The following CLDN16 variants were observed in gnomAD, a reference collection of about 807,000 sequenced individuals.
CLDN16 encodes the protein claudin 16.
Under a neutral mutation model 24.6 loss-of-function variants are expected in CLDN16, and 13 were observed. The observed-to-expected ratio is 0.53, with a 90% CI of 0.34 to 0.84. The LOEUF (loss-of-function observed/expected upper bound fraction) is 0.84, where lower values mean the gene tolerates loss of function less well. Among genes scored for constraint, CLDN16 ranks in the 40% least tolerant of loss-of-function variants. The probability of loss-of-function intolerance (pLI) is 0.01; values close to 1 mark genes in which losing one functional copy is unlikely to be tolerated. For missense variants in CLDN16, 298 were observed against 292.7 expected (o/e 1.02, Z -0.13); for synonymous variants, 116 against 106.7 (o/e 1.09, Z -0.54).
At chr3:190,348,162 G>A (rs920232666) in intron 1 of CLDN16, among the ~76,000 whole-genome samples, 3 of 148,876 alleles carry the variant, frequency 2.0e-5, no homozygotes, top group South Asian at 4.3e-4. Flanking sequence ...GGCTGAGGCA[G>A]GAGAATTGCT....
In CLDN16 at chr3:190,390,346, C is replaced by T. The variant is rs527908169; in HGVS notation, c.114+1903C>T. Among the ~76,000 whole-genome samples, 31 of 152,136 alleles carry T rather than the reference C, an allele frequency of 2.0e-4. No individual in the cohort carries two copies. The South Asian group carries it at 6.4e-3, about 32-fold the overall frequency. ...GTCAAGAGATTGAGACCATCCTGGC[C>T]GACATAGTGAAACCCCATCTCTAAC... On this transcript the variant is annotated intron_variant, in intron 1 of 4. Coordinates refer to ENST00000264734, the MANE Select transcript of CLDN16 (RefSeq NM_006580.4).
At chr3:190,297,871 A>T in the CLDN16 span, among the ~76,000 whole-genome samples, 6 of 151,358 alleles carry the variant, frequency 4.0e-5, no homozygotes, top group African/African-American at 1.5e-4. Context: ...TCTGTGAGTT[A>T]AGTTGGACAC....
At chr3:190,359,032 A>G (rs77804979) in intron 1 of CLDN16, among the ~76,000 whole-genome samples, 4,301 of 152,016 alleles carry the variant, frequency 0.028, 94 homozygotes, top group East Asian at 0.056. Flanking sequence ...CTGATATTCT[A>G]TTGTTTTGAT....
intron 1 of CLDN16, among the ~76,000 whole-genome samples, chr3:190,390,237 T>C (rs1169412772): frequency 6.6e-6 from 1 of 152,206 alleles, no homozygotes; most frequent in African/African-American, 2.4e-5. Context: ...CCAAGAAGCC[T>C]TCACATTTAA....
the CLDN16 span, among the ~76,000 whole-genome samples, chr3:190,292,808 T>C: frequency 0.014 from 2,087 of 152,256 alleles, 131 homozygotes; most frequent in East Asian, 0.2. Flanking sequence ...CTCATCTCCA[T>C]CTGAGACCAC....
chr3:190,410,107 T>A lies in CLDN16; in HGVS notation c.*71T>A. Reference sequence around the variant, plus strand: ...ATGGTTACATTGATAAAATAGTAAGTCAATCCAGGAACAGTTATTTAGAAT... The same window carrying A: ...ATGGTTACATTGATAAAATAGTAAGACAATCCAGGAACAGTTATTTAGAAT... On this transcript the variant is annotated 3_prime_UTR_variant, in exon 5 of 5. Coordinates refer to ENST00000264734, the MANE Select transcript of CLDN16 (RefSeq NM_006580.4). 2 of 1,509,058 alleles carry A rather than the reference T, an allele frequency of 1.3e-6. No individual in the cohort carries two copies. The highest frequency in any genetic ancestry group is 1.1e-5 in the South Asian group (1 of 88,772). 93.5% of individuals were successfully genotyped at this position (1,509,058 alleles called of 1,614,324 possible). A position where few individuals can be genotyped will look rare whatever the true frequency, so the allele number is the denominator to read the frequency against.
intron 2 of CLDN16, among the ~76,000 whole-genome samples, chr3:190,403,365 A>G (rs1328169567): frequency 6.6e-6 from 1 of 152,210 alleles, no homozygotes; most frequent in African/African-American, 2.4e-5. Context: ...AATTATAGTT[A>G]CATGTCAGCA....
chr3:190,355,726 T>A (rs940744902), intron 1 of CLDN16, among the ~76,000 whole-genome samples: 2 of 151,862 alleles, frequency 1.3e-5, no homozygotes, highest in East Asian at 3.9e-4. Context: ...AATATTCACA[T>A]GCATTGAGAT....
At chr3:190,402,316 G>A (rs765249393) in intron 1 of CLDN16, 21 bp from the exon 2 acceptor site, 20 of 1,572,818 alleles carry the variant, frequency 1.3e-5, no homozygotes, top group Middle Eastern at 1.7e-4. Flanking sequence ...TGTTTCACAC[G>A]GTGTCTTCTC....
At chr3:190,332,261 A>G (rs971014710) in intron 1 of CLDN16, among the ~76,000 whole-genome samples, 7 of 152,220 alleles carry the variant, frequency 4.6e-5, no homozygotes, top group African/African-American at 1.7e-4. Flanking sequence ...CTATGTAAAT[A>G]TATTGCAGAT....
intron 1 of CLDN16, among the ~76,000 whole-genome samples, chr3:190,393,945 G>A (rs1293731664): frequency 6.6e-6 from 1 of 151,754 alleles, no homozygotes; most frequent in Non-Finnish European, 1.5e-5. Context: ...TAGAGACGGG[G>A]TTTCACCATA....
chr3:190,320,613 G>A (rs554180263), upstream of CLDN16, among the ~76,000 whole-genome samples: 1 of 152,126 alleles, frequency 6.6e-6, no homozygotes, highest in East Asian at 1.9e-4. Context: ...GGTATTCAAG[G>A]TGTTCAAACA....
At chr3:190,356,122 C>T (rs1280977525) in intron 1 of CLDN16, among the ~76,000 whole-genome samples, 1 of 151,560 alleles carries the variant, frequency 6.6e-6, no homozygotes, top group Admixed American at 6.6e-5. Context: ...GAATAAAAGT[C>T]ATCATTTTGG....
At chr3:190,376,097 A>G (rs1718243387) in intron 3 of CLDN16, among the ~76,000 whole-genome samples, 1 of 152,010 alleles carries the variant, frequency 6.6e-6, no homozygotes, top group African/African-American at 2.4e-5. Flanking sequence ...TGGATGTTTG[A>G]GGCACAATTC....
upstream of CLDN16, among the ~76,000 whole-genome samples, chr3:190,387,409 G>A (rs1301660099): frequency 6.6e-6 from 1 of 151,980 alleles, no homozygotes; most frequent in Non-Finnish European, 1.5e-5. Context: ...GTCCATGAGG[G>A]AAAAGTAATA....
chr3:190,405,047 T>A, intron 3 of CLDN16, 121 bp downstream of exon 3: 1 of 993,842 alleles, frequency 1.0e-6, no homozygotes, highest in Non-Finnish European at 1.6e-6. Flanking sequence ...CTTTCTAGAT[T>A]GAAAAACTAA....
upstream of CLDN16, among the ~76,000 whole-genome samples, chr3:190,319,557 C>T (rs897287623): frequency 1.3e-5 from 2 of 152,162 alleles, no homozygotes; most frequent in Non-Finnish European, 2.9e-5. Flanking sequence ...ACCTACCCTA[C>T]ATAAAGCAGG....
rs532771751 is a variant in CLDN16, at chr3:190,333,445, T to G, written n.121+10784T>G. ...AGTGTATGCACTATTACTCAAAAAC[T>G]ATGGATAAAATTTTATATAATACCA... On this transcript the variant is annotated intron_variant and non_coding_transcript_variant, in intron 1 of 4. Coordinates refer to the CLDN16 transcript ENST00000468220. 2.6e-5 allele frequency among the ~76,000 whole-genome samples: 4 copies of G among 152,294 alleles called. No individual in the cohort carries two copies. The South Asian group carries it at 8.3e-4, about 32-fold the overall frequency.
chr3:190,387,657 C>G (rs1042785124), upstream of CLDN16, among the ~76,000 whole-genome samples: 1 of 152,176 alleles, frequency 6.6e-6, no homozygotes, highest in African/African-American at 2.4e-5. Context: ...CTTGTTCCCA[C>G]TCTACGATGC....
Sources: allele counts gnomAD v4.1 joint callset (sites outside exome capture counted in the v4.1 genomes callset), GRCh38; gene constraint gnomAD v4.1.1; transcripts MANE v1.5; gene names NCBI Gene and HGNC (gene_info 2026-07-23, HGNC 2026-07-21).